PPP1R1C: variants seen among roughly 807,000 people sequenced by gnomAD.
PPP1R1C encodes protein phosphatase 1 regulatory subunit 1C.
A neutral mutation model predicts 17.4 loss-of-function variants in PPP1R1C; 15 were observed. That is an observed-to-expected ratio of 0.86 (90% CI 0.58 to 1.33). The LOEUF (loss-of-function observed/expected upper bound fraction) is 1.33. Among genes scored for constraint, PPP1R1C ranks in the 40% most tolerant of loss-of-function variants. The pLI, the probability that PPP1R1C is intolerant of heterozygous loss-of-function variation, is 0.00. For synonymous variants in PPP1R1C, 35 were observed against 43.1 expected (o/e 0.81, Z 0.73); for missense variants, 143 against 130.0 (o/e 1.10, Z -0.48).
chr2:182,097,966 C>A (rs970207567), intron 4 of PPP1R1C, among the ~76,000 whole-genome samples: 3 of 152,258 alleles, frequency 2.0e-5, no homozygotes, highest in Middle Eastern at 6.8e-3. Flanking sequence ...CGTGATCAAA[C>A]AGATGTTTTT....
chr2:182,106,713 A>G (rs533964210), intron 4 of PPP1R1C, among the ~76,000 whole-genome samples: 38 of 152,362 alleles, frequency 2.5e-4, no homozygotes, highest in African/African-American at 7.7e-4. Context: ...TGAGCTGATT[A>G]ACACAAGCCA....
At chr2:182,125,950 C>T (rs1239413024) in intron 5 of PPP1R1C, among the ~76,000 whole-genome samples, 1 of 152,058 alleles carries the variant, frequency 6.6e-6, no homozygotes, top group Non-Finnish European at 1.5e-5. Context: ...TTGTCTTCTG[C>T]AAGCTTTTGA....
intron 1 of PPP1R1C, among the ~76,000 whole-genome samples, chr2:181,955,033 A>T (rs908922802): frequency 6.6e-6 from 1 of 152,216 alleles, no homozygotes; most frequent in African/African-American, 2.4e-5. Flanking sequence ...CAGCTTTATA[A>T]GCTCTTTGAT....
intron 2 of PPP1R1C, among the ~76,000 whole-genome samples, chr2:182,012,673 GGTCTTCCTTCAGTCCTT>G (rs1234140051): frequency 6.6e-6 from 1 of 151,822 alleles, no homozygotes; most frequent in Non-Finnish European, 1.5e-5. Context: ...GTTGTTTTGT[GGTCTTCCTTCAGTCCTT>G]GTCTTCCTTT....
At chr2:182,015,282 T>C (rs963189594) in intron 2 of PPP1R1C, among the ~76,000 whole-genome samples, 4 of 152,174 alleles carry the variant, frequency 2.6e-5, no homozygotes, top group African/African-American at 9.7e-5. Context: ...TGAGATGTGA[T>C]GGTTTTATAA....
chr2:182,112,214 A>G (rs1689460062), intron 4 of PPP1R1C, among the ~76,000 whole-genome samples: 1 of 152,068 alleles, frequency 6.6e-6, no homozygotes, highest in Non-Finnish European at 1.5e-5. Context: ...CTTGATGACT[A>G]TGTCTCATCT....
At chr2:181,983,237 G>A (rs554875678), upstream of PPP1R1C, among the ~76,000 whole-genome samples, 9 of 152,280 alleles carry the variant, frequency 5.9e-5, no homozygotes, top group East Asian at 1.4e-3. Context: ...AAAAGCCCAA[G>A]CCCTATGCAA....
intron 2 of PPP1R1C, among the ~76,000 whole-genome samples, chr2:181,979,393 T>C (rs757188097): frequency 3.3e-5 from 5 of 152,262 alleles, no homozygotes; most frequent in Admixed American, 6.5e-5. Flanking sequence ...TGAGGCTTTT[T>C]TTCATTTCTT....
At chr2:182,037,153 A>C (rs940621076) in intron 2 of PPP1R1C, among the ~76,000 whole-genome samples, 1 of 152,236 alleles carries the variant, frequency 6.6e-6, no homozygotes, top group African/African-American at 2.4e-5. Flanking sequence ...CAATGCCAGA[A>C]TATTAGATTA....
intron 2 of PPP1R1C, among the ~76,000 whole-genome samples, chr2:182,048,221 G>A (rs1418401347): frequency 6.6e-6 from 1 of 152,006 alleles, no homozygotes; most frequent in African/African-American, 2.4e-5. Context: ...TTATTCTGGT[G>A]GTTTCAGTTT....
intron 4 of PPP1R1C, among the ~76,000 whole-genome samples, chr2:182,066,968 TTGTG>T (rs3064017): frequency 2.5e-4 from 36 of 144,696 alleles, no homozygotes; most frequent in South Asian, 6.4e-4. Flanking sequence ...GTGTGTGTGT[TTGTG>T]TGTGTGTGTG....
At chr2:182,094,384 C>T (rs75990369) in intron 4 of PPP1R1C, among the ~76,000 whole-genome samples, 3,620 of 152,298 alleles carry the variant, frequency 0.024, 129 homozygotes, top group African/African-American at 0.082. Flanking sequence ...CATACCATAT[C>T]AGAGAGATTT....
At chr2:182,103,015 G>A (rs915574998) in intron 4 of PPP1R1C, among the ~76,000 whole-genome samples, 1 of 152,060 alleles carries the variant, frequency 6.6e-6, no homozygotes, top group African/African-American at 2.4e-5. Flanking sequence ...TGTTGCCCAG[G>A]CTGGTCTCAA....
At chr2:181,968,384 G>A (rs1452159802) in intron 1 of PPP1R1C, among the ~76,000 whole-genome samples, 2 of 151,962 alleles carry the variant, frequency 1.3e-5, no homozygotes, top group Non-Finnish European at 2.9e-5. Flanking sequence ...TCCAGGGTTG[G>A]GTTTATACGT....
Position 181,999,777 on chromosome 2 carries a change from A to G in PPP1R1C, c.142+11878A>G, listed in dbSNP as rs1034430440. Among the ~76,000 whole-genome samples, 18 of 151,282 alleles carry G rather than the reference A, an allele frequency of 1.2e-4. 1 individual carries two copies. The highest frequency in any genetic ancestry group is 5.9e-4 in the Admixed American group (9 of 15,194). On this transcript the variant is annotated intron_variant, in intron 2 of 4. Coordinates refer to ENST00000682840, the MANE Select transcript of PPP1R1C (RefSeq NM_001080545.3). ...CTAGATATTTTATTCTATAAGCTAA[A>G]AACAAAAAAAAAAAGATAACCAAAT...
rs778216929 is a variant in PPP1R1C, at chr2:182,117,301, G to T, written c.*6G>T. 6.5e-7 allele frequency: 1 copy of T among 1,538,246 alleles called. No individual in the cohort carries two copies. The highest frequency in any genetic ancestry group is 8.8e-7 in the Non-Finnish European group (1 of 1,138,686). On this transcript the variant is annotated 3_prime_UTR_variant, in exon 5 of 5. Transcript: ENST00000682840. ...AGGAGCAGCGGGACCATTAATTACTGGTCTGCAGCAAGAAGGCTTCTTGGA... is the reference window on the plus strand; with the variant it reads ...AGGAGCAGCGGGACCATTAATTACTTGTCTGCAGCAAGAAGGCTTCTTGGA...
chr2:182,120,332 C>T (rs922764160), downstream of PPP1R1C, among the ~76,000 whole-genome samples: 2 of 151,968 alleles, frequency 1.3e-5, no homozygotes, highest in African/African-American at 2.4e-5. Context: ...GAAGTAGAGA[C>T]ACAAAAAACC....
At chr2:181,992,568 A>C (rs1685501459) in intron 2 of PPP1R1C, among the ~76,000 whole-genome samples, 1 of 134,548 alleles carries the variant, frequency 7.4e-6, no homozygotes, top group Non-Finnish European at 1.7e-5. Flanking sequence ...ACGCCTACTA[A>C]ACATGAGTGA....
At chr2:181,955,865 ATAT>A (rs879803235) in intron 1 of PPP1R1C, among the ~76,000 whole-genome samples, 7 of 152,086 alleles carry the variant, frequency 4.6e-5, no homozygotes, top group Non-Finnish European at 2.9e-5. Context: ...GCATGTTTTA[ATAT>A]TATATACTTT....
Sources: gnomAD v4.1 joint callset for allele counts (sites outside exome capture counted in the v4.1 genomes callset) on GRCh38, gnomAD v4.1.1 for gene constraint, MANE v1.5 for transcripts, NCBI Gene and HGNC (gene_info 2026-07-23, HGNC 2026-07-21) for gene names.